ADAM32: variants seen among roughly 807,000 people sequenced by gnomAD.
ADAM32 encodes the protein ADAM metallopeptidase domain 32.
ADAM32 carries 89 observed loss-of-function variants against 114.9 expected under a neutral mutation model. The observed-to-expected ratio is 0.77, with a 90% CI of 0.65 to 0.92. The LOEUF (loss-of-function observed/expected upper bound fraction) is 0.92. ADAM32 is among the 40% of genes least tolerant of loss of function. The pLI, the probability that ADAM32 is intolerant of heterozygous loss-of-function variation, is 0.00. For synonymous variants in ADAM32, 285 were observed against 307.5 expected (o/e 0.93, Z 0.77); for missense variants, 870 against 932.8 (o/e 0.93, Z 0.88).
intron 20 of ADAM32, among the ~76,000 whole-genome samples, chr8:39,272,296 T>C (rs989430012): frequency 8.5e-5 from 13 of 152,142 alleles, no homozygotes; most frequent in Non-Finnish European, 1.8e-4. Context: ...TCACAATCTA[T>C]AAAATTCCAT....
intron 6 of ADAM32, chr8:39,158,564 G>T: frequency 2.9e-6 from 1 of 346,918 alleles, no homozygotes; most frequent in Non-Finnish European, 5.5e-6. Context: ...TGTATCCCAG[G>T]AAAGCTGTGA....
At chr8:39,192,814 C>G (rs935393498) in intron 11 of ADAM32, among the ~76,000 whole-genome samples, 1 of 152,108 alleles carries the variant, frequency 6.6e-6, no homozygotes, top group Non-Finnish European at 1.5e-5. Flanking sequence ...GTTGGAATTT[C>G]TTTTCTTTAA....
At chr8:39,252,879 C>A (rs1343290035) in intron 17 of ADAM32, among the ~76,000 whole-genome samples, 1 of 151,474 alleles carries the variant, frequency 6.6e-6, no homozygotes, top group Non-Finnish European at 1.5e-5. Context: ...ATAGCCTGAA[C>A]AGAACAATAA....
chr8:39,223,744 C>G (rs2129448901), intron 14 of ADAM32: 1 of 152,184 alleles, frequency 6.6e-6, no homozygotes, highest in Middle Eastern at 3.4e-3. Flanking sequence ...ATCTCTTGAA[C>G]TTATTTATTT....
intron 19 of ADAM32, among the ~76,000 whole-genome samples, chr8:39,258,893 C>T (rs1347435116): frequency 6.6e-6 from 1 of 152,100 alleles, no homozygotes; most frequent in Non-Finnish European, 1.5e-5. Flanking sequence ...GATGTATTTT[C>T]CTTTAATCAT....
At chr8:39,183,625 G>C (rs960094005) in intron 10 of ADAM32, among the ~76,000 whole-genome samples, 2 of 152,104 alleles carry the variant, frequency 1.3e-5, no homozygotes, top group Admixed American at 1.3e-4. Context: ...CCAAGTTTTG[G>C]CTGCTGCTTT....
chr8:39,218,913 T>C (rs1490082637), intron 12 of ADAM32, among the ~76,000 whole-genome samples: 1 of 152,132 alleles, frequency 6.6e-6, no homozygotes, highest in East Asian at 1.9e-4. Context: ...ACTCCAGGCC[T>C]ACAGCATACT....
chr8:39,107,966 G>C (rs976310056), intron 1 of ADAM32, 133 bp downstream of exon 1: 1 of 1,231,360 alleles, frequency 8.1e-7, no homozygotes, highest in Non-Finnish European at 1.1e-6. Context: ...TTTTCCAGGG[G>C]ATTAGGCGCC....
intron 3 of ADAM32, among the ~76,000 whole-genome samples, chr8:39,141,300 C>A (rs1803139000): frequency 2.6e-5 from 4 of 152,190 alleles, no homozygotes; most frequent in Admixed American, 2.6e-4. Flanking sequence ...AATTTTAGGT[C>A]TTTCCTGCTT....
At chr8:39,238,499 T>C (rs1389383022) in intron 16 of ADAM32, among the ~76,000 whole-genome samples, 1 of 152,176 alleles carries the variant, frequency 6.6e-6, no homozygotes, top group Non-Finnish European at 1.5e-5. Context: ...AAAACAATTC[T>C]GGTAATATGA....
chr8:39,275,411 A>C (rs1813013130), intron 21 of ADAM32, among the ~76,000 whole-genome samples: 1 of 152,116 alleles, frequency 6.6e-6, no homozygotes, highest in African/African-American at 2.4e-5. Context: ...GTGGTATAGG[A>C]GGGGAAATTA....
intron 3 of ADAM32, among the ~76,000 whole-genome samples, chr8:39,143,186 G>A (rs756719139): frequency 2.0e-5 from 3 of 152,030 alleles, no homozygotes; most frequent in Admixed American, 6.6e-5. Flanking sequence ...TGTTATTACC[G>A]ACCTTCTGAA....
intron 16 of ADAM32, 78 bp from the exon 17 acceptor site, chr8:39,246,005 A>G (rs777070159): frequency 1.8e-6 from 2 of 1,131,970 alleles, no homozygotes; most frequent in South Asian, 2.6e-5. Flanking sequence ...CTTTTATATC[A>G]TATAATTATT....
intron 11 of ADAM32, among the ~76,000 whole-genome samples, chr8:39,198,900 G>A (rs1259200376): frequency 6.6e-6 from 1 of 152,124 alleles, no homozygotes; most frequent in Non-Finnish European, 1.5e-5. Flanking sequence ...GACTAGTCTA[G>A]TGGTGACAAA....
chr8:39,196,673 T>C (rs1261107884), intron 11 of ADAM32, among the ~76,000 whole-genome samples: 2 of 152,170 alleles, frequency 1.3e-5, no homozygotes, highest in Non-Finnish European at 2.9e-5. Context: ...CTTGCAATCT[T>C]GGTATAAATC....
At chr8:39,139,056 T>C (rs969349871) in intron 3 of ADAM32, among the ~76,000 whole-genome samples, 1 of 152,222 alleles carries the variant, frequency 6.6e-6, no homozygotes, top group Non-Finnish European at 1.5e-5. Flanking sequence ...TTTAAGTTAT[T>C]TGTAGATTCT....
At chr8:39,184,853 C>T (rs1162179938) in intron 10 of ADAM32, among the ~76,000 whole-genome samples, 1 of 152,186 alleles carries the variant, frequency 6.6e-6, no homozygotes, top group African/African-American at 2.4e-5. Context: ...TTATCATAAT[C>T]CCTGTAGGTC....
chr8:39,122,237 A>C (rs574447557), intron 2 of ADAM32, among the ~76,000 whole-genome samples: 1 of 152,318 alleles, frequency 6.6e-6, no homozygotes, highest in South Asian at 2.1e-4. Context: ...TGGGGGGCGC[A>C]CCATAGGGAA....
intron 13 of ADAM32, among the ~76,000 whole-genome samples, chr8:39,222,640 T>C (rs1190218527): frequency 1.3e-5 from 2 of 152,070 alleles, no homozygotes; most frequent in Non-Finnish European, 2.9e-5. Flanking sequence ...ACAGTTGTCA[T>C]AGAATTTTAA....
Sources: allele counts gnomAD v4.1 joint callset (sites outside exome capture counted in the v4.1 genomes callset), GRCh38; gene constraint gnomAD v4.1.1; transcripts MANE v1.5; gene names NCBI Gene and HGNC (gene_info 2026-07-23, HGNC 2026-07-21).